EMC1: variants seen among roughly 807,000 people sequenced by gnomAD.
EMC1 encodes KIAA0090.
In EMC1, 103 loss-of-function variants were observed where a neutral mutation model predicts 128.8. The ratio of observed to expected loss-of-function variants is 0.80; its 90% confidence interval spans 0.68 to 0.94. EMC1 has a LOEUF of 0.94. Ranked by LOEUF, EMC1 falls within the 40% of genes least tolerant of loss-of-function variation. The probability of loss-of-function intolerance (pLI) is 0.00; values close to 1 mark genes in which losing one functional copy is unlikely to be tolerated. For synonymous variants in EMC1, 442 were observed against 490.4 expected (o/e 0.90, Z 1.30); for missense variants, 1,083 against 1,250.6 (o/e 0.87, Z 2.02).
At chr1:19,220,719 G>T in intron 21 of EMC1, 45 bp downstream of exon 21, 1 of 1,458,068 alleles carries the variant, frequency 6.9e-7, no homozygotes, top group Non-Finnish European at 9.5e-7. Context: ...GTGAGGTTAA[G>T]TTATGTAAGG....
In EMC1 at chr1:19,219,159, C is replaced by T. The variant is rs1042296658; in HGVS notation, c.*144G>A. On this transcript the variant is annotated 3_prime_UTR_variant, in exon 23 of 23. Transcript: ENST00000477853. ...CATGTATATCCCAAAAGGAGTTCTGCGTGAAGGTCATCCATCTTCCCTACA... is the reference window on the plus strand; with the variant it reads ...CATGTATATCCCAAAAGGAGTTCTGTGTGAAGGTCATCCATCTTCCCTACA... 72 of 735,092 alleles carry T rather than the reference C, an allele frequency of 9.8e-5. 1 individual carries two copies. The highest frequency in any genetic ancestry group is 7.6e-4 in the South Asian group (43 of 56,710). 45.5% of individuals were successfully genotyped at this position (735,092 alleles called of 1,614,324 possible). A position where few individuals can be genotyped will look rare whatever the true frequency, so the allele number is the denominator to read the frequency against.
Position 19,222,714 on chromosome 1 carries a change from C to G in EMC1, c.2497G>C (p.Val833Leu). Residue 833 changes from valine (V) to leucine (L), a missense_variant, in exon 20 of 23, where the codon GTC (valine) becomes CTC (leucine). Physicochemically the swap from Val to Leu is conservative, Grantham distance 32. This residue lies in a region of EMC1 where 527 missense variants were observed against 644.1 expected (regional missense o/e 0.82). Coordinates refer to ENST00000477853, the MANE Select transcript of EMC1 (RefSeq NM_015047.3). ...SSLDRPQLPQ[V>L]LQQSYIFPSS... ...GGGAAGATATAGGACTGCTGGAGGA[C>G]CTGGGGCAGCTGGGGGCGGTCCAGG... The G allele has an allele frequency of 6.2e-7, 1 of 1,614,146 alleles. No homozygotes were observed. Among genetic ancestry groups the G allele is most frequent in the Non-Finnish European group, 8.5e-7 (1 of 1,180,018 alleles).
At chr1:19,239,604 A>C in intron 8 of EMC1, 2 of 591,428 alleles carry the variant, frequency 3.4e-6, no homozygotes, top group Non-Finnish European at 6.0e-6. Flanking sequence ...TAAGGAAGGC[A>C]CTAGTTTTGC....
At chr1:19,236,180 A>G (rs919598787) in intron 12 of EMC1, among the ~76,000 whole-genome samples, 4 of 152,048 alleles carry the variant, frequency 2.6e-5, no homozygotes, top group African/African-American at 9.7e-5. Context: ...GCTTGAGACC[A>G]GCCTGGGCCA....
In EMC1 at chr1:19,239,226, C is replaced by T. The variant is rs773586945; in HGVS notation, c.1026+5G>A. 5 of 1,613,068 alleles carry T rather than the reference C, an allele frequency of 3.1e-6. No homozygotes were observed. The highest frequency in any genetic ancestry group is 3.3e-5 in the Admixed American group (2 of 60,010). On this transcript the variant is annotated splice_donor_5th_base_variant and intron_variant, in intron 9 of 22. Coordinates refer to ENST00000477853, the MANE Select transcript of EMC1 (RefSeq NM_015047.3). ...CAAGTGCTGACTGTTGTTCTCAATA[C>T]TCACCACTTCATTCCGACAGGCCAT... is the stretch of plus-strand genomic sequence containing the variant.
intron 2 of EMC1, chr1:19,244,651 C>T (rs1572029980): frequency 2.9e-6 from 1 of 348,202 alleles, no homozygotes; most frequent in Non-Finnish European, 5.4e-6. Flanking sequence ...GTGATCCTCC[C>T]GCCTGGGCTT....
rs879491267 is a variant in EMC1, at chr1:19,231,521, G to T, written c.1783-99C>A. ...GGACTCCAGCTCAACAACTGTGGGG[G>T]TTCTCTAGTCTTTGCCCTCTTTGTG... On this transcript the variant is annotated intron_variant, in intron 15 of 22. Coordinates refer to ENST00000477853, the MANE Select transcript of EMC1 (RefSeq NM_015047.3). 3.9e-6 allele frequency: 5 copies of T among 1,278,376 alleles called. No homozygotes were observed. In the Admixed American group the frequency reaches 1.1e-4, roughly 29 times the overall value. 79.2% of individuals were successfully genotyped at this position (1,278,376 alleles called of 1,614,324 possible).
chr1:19,224,059 C>T lies in EMC1; in HGVS notation c.2203-490G>A, dbSNP rs138807825. Among the ~76,000 whole-genome samples, 51 of 152,304 alleles carry T rather than the reference C, an allele frequency of 3.3e-4. 1 individual carries two copies. The highest frequency in any genetic ancestry group is 1.0e-3 in the African/African-American group (42 of 41,570). ...GACGCAGGTGATCACTACCTCCTTG[C>T]GACATTTTCTCACCTGGCTTCCAGA... On this transcript the variant is annotated intron_variant, in intron 18 of 22. Transcript: ENST00000477853.
At chr1:19,236,625 C>T (rs2093565977) in intron 12 of EMC1, among the ~76,000 whole-genome samples, 1 of 142,952 alleles carries the variant, frequency 7.0e-6, no homozygotes, top group South Asian at 2.2e-4. Flanking sequence ...CACTGTACTC[C>T]AGCAGTCTGA....
At chr1:19,226,735 T>G (rs560503737) in intron 18 of EMC1, among the ~76,000 whole-genome samples, 29 of 143,538 alleles carry the variant, frequency 2.0e-4, no homozygotes, top group Middle Eastern at 3.6e-3. Context: ...GTTTTTTTTG[T>G]TTTTTTTTTT....
chr1:19,220,907 A>G (rs1239940449), intron 20 of EMC1, 59 bp from the exon 21 acceptor site: 2 of 1,264,884 alleles, frequency 1.6e-6, no homozygotes, highest in Admixed American at 2.0e-5. Context: ...GCCAGTTACA[A>G]AAATGTCATT....
intron 11 of EMC1, among the ~76,000 whole-genome samples, chr1:19,237,685 C>T (rs2093576140): frequency 6.6e-6 from 1 of 152,140 alleles, no homozygotes. Context: ...CTTACTGGCT[C>T]CGTGACTCTG....
At chr1:19,235,466 G>A (rs537593747) in intron 12 of EMC1, among the ~76,000 whole-genome samples, 1 of 152,344 alleles carries the variant, frequency 6.6e-6, no homozygotes, top group East Asian at 1.9e-4. Flanking sequence ...ACTTTGGGAG[G>A]CCAAGGCGGG....
intron 17 of EMC1, among the ~76,000 whole-genome samples, chr1:19,230,013 C>T (rs1179548292): frequency 6.6e-6 from 1 of 152,194 alleles, no homozygotes; most frequent in African/African-American, 2.4e-5. Flanking sequence ...TCCAAACAGT[C>T]CTGCTAACAA....
intron 18 of EMC1, among the ~76,000 whole-genome samples, chr1:19,225,422 C>T (rs967569159): frequency 5.3e-5 from 8 of 152,096 alleles, no homozygotes; most frequent in Admixed American, 2.0e-4. Flanking sequence ...GAGGCCAAGG[C>T]GGGCAGATCA....
At chr1:19,245,203 C>T (rs2093626267) in intron 1 of EMC1, among the ~76,000 whole-genome samples, 173 bp from the exon 2 acceptor site, 2 of 152,070 alleles carry the variant, frequency 1.3e-5, no homozygotes, top group South Asian at 2.1e-4. Flanking sequence ...TTTGGGAGGC[C>T]GAGGCAGGCA....
chr1:19,241,287 T>C, intron 5 of EMC1, 145 bp from the exon 6 acceptor site: 1 of 844,818 alleles, frequency 1.2e-6, no homozygotes, highest in South Asian at 1.8e-5. Context: ...GGGGCTTTTG[T>C]TGTTGTTGTT....
At chr1:19,250,340 CCATTCATT>C (rs574838173) in intron 1 of EMC1, among the ~76,000 whole-genome samples, 2 of 151,514 alleles carry the variant, frequency 1.3e-5, no homozygotes, top group Admixed American at 6.6e-5. Context: ...TTAGGAAATG[CCATTCATT>C]CATTCATTCA....
intron 19 of EMC1, chr1:19,223,138 T>C: frequency 1.8e-6 from 1 of 560,078 alleles, no homozygotes; most frequent in Non-Finnish European, 3.2e-6. Flanking sequence ...GTGACTGTTA[T>C]TATCCCTATT....
Sources: gnomAD v4.1 joint callset for allele counts (sites outside exome capture counted in the v4.1 genomes callset) on GRCh38, gnomAD v4.1.1 for gene constraint, gnomAD v4.1.1 regional missense constraint, MANE v1.5 for transcripts, NCBI Gene and HGNC (gene_info 2026-07-23, HGNC 2026-07-21) for gene names.